Variants in BTBD9 observed in about 807,000 individuals in gnomAD.
BTBD9 encodes BTB/POZ domain-containing protein 9.
BTBD9 carries 49 observed loss-of-function variants against 64.3 expected under a neutral mutation model. That is an observed-to-expected ratio of 0.76 (90% CI 0.61 to 0.97). The LOEUF is 0.97. BTBD9 is among the 50% of genes least tolerant of loss of function. BTBD9 has a pLI of 0.00. For missense variants in BTBD9, 598 were observed against 762.1 expected, an observed-to-expected ratio of 0.78 and a Z score of 2.53; for synonymous variants, 260 against 274.7, an observed-to-expected ratio of 0.95 and a Z score of 0.53.
At chr6:38,410,619 A>C (rs569703805) in intron 6 of BTBD9, among the ~76,000 whole-genome samples, 1 of 152,360 alleles carries the variant, frequency 6.6e-6, no homozygotes, top group South Asian at 2.1e-4. Flanking sequence ...ATTGATAAGA[A>C]AACATGAAAA....
chr6:38,188,299 A>G (rs1271486120), intron 10 of BTBD9, among the ~76,000 whole-genome samples: 1 of 152,228 alleles, frequency 6.6e-6, no homozygotes. Context: ...GCTAGCTGCT[A>G]CTTACACACT....
intron 6 of BTBD9, among the ~76,000 whole-genome samples, chr6:38,366,047 C>T (rs950939101): frequency 6.6e-6 from 1 of 152,154 alleles, no homozygotes; most frequent in Non-Finnish European, 1.5e-5. Context: ...CTCATCTTTG[C>T]TTCCTAAAGG....
chr6:38,580,706 G>T (rs866020676), intron 4 of BTBD9, among the ~76,000 whole-genome samples: 9 of 151,284 alleles, frequency 5.9e-5, no homozygotes, highest in African/African-American at 2.2e-4. Context: ...GACCAGCATG[G>T]GCAACATGGG....
At chr6:38,597,433 G>A (rs769773844) in intron 2 of BTBD9, among the ~76,000 whole-genome samples, 1 of 152,140 alleles carries the variant, frequency 6.6e-6, no homozygotes, top group Non-Finnish European at 1.5e-5. Context: ...TATAACCCTG[G>A]AAATTAAGGA....
At chr6:38,183,135 A>G (rs1399820844) in intron 10 of BTBD9, among the ~76,000 whole-genome samples, 1 of 151,834 alleles carries the variant, frequency 6.6e-6, no homozygotes, top group Admixed American at 6.6e-5. Flanking sequence ...GCCCGCCACC[A>G]CACCTGGCTA....
intron 6 of BTBD9, among the ~76,000 whole-genome samples, chr6:38,397,910 T>C (rs1211602097): frequency 1.3e-5 from 2 of 152,198 alleles, no homozygotes; most frequent in Non-Finnish European, 2.9e-5. Flanking sequence ...TGCAGAGAGT[T>C]ATAAATAGCC....
At position 38,174,869 on chromosome 6, in the gene BTBD9, C is replaced by T; in HGVS notation, c.*116G>A. On this transcript the variant is annotated 3_prime_UTR_variant, in exon 11 of 11. Coordinates refer to ENST00000481247, the MANE Select transcript of BTBD9 (RefSeq NM_001099272.2). ...GTGTCTGCTTTTGCAGCTAGGTCGGCTCCTCCCTGGAAAGGGGCAGAGGTG... is the reference window on the plus strand; with the variant it reads ...GTGTCTGCTTTTGCAGCTAGGTCGGTTCCTCCCTGGAAAGGGGCAGAGGTG... 3 of 1,254,652 alleles carry T rather than the reference C, an allele frequency of 2.4e-6. No homozygotes were observed. In the South Asian group the frequency reaches 4.1e-5, roughly 17 times the overall value. 77.7% of individuals were successfully genotyped at this position (1,254,652 alleles called of 1,614,324 possible).
chr6:38,206,758 T>C (rs1225060106), intron 9 of BTBD9, among the ~76,000 whole-genome samples: 1 of 151,968 alleles, frequency 6.6e-6, no homozygotes, highest in Non-Finnish European at 1.5e-5. Flanking sequence ...TCCTTATCTT[T>C]CAAAGTAGGA....
chr6:38,228,574 T>TA (rs145688853), intron 9 of BTBD9, among the ~76,000 whole-genome samples: 10,131 of 147,128 alleles, frequency 0.069, 452 homozygotes, highest in Middle Eastern at 0.15. Context: ...AAACGGCTCT[T>TA]AAAAAAAAAA....
intron 9 of BTBD9, among the ~76,000 whole-genome samples, chr6:38,254,163 A>G (rs1582118903): frequency 6.6e-6 from 1 of 151,484 alleles, no homozygotes; most frequent in African/African-American, 2.4e-5. Context: ...TGGCAGAACA[A>G]CAAGAAAGAA....
intron 6 of BTBD9, among the ~76,000 whole-genome samples, chr6:38,358,552 G>A (rs1314128689): frequency 6.6e-6 from 1 of 152,186 alleles, no homozygotes; most frequent in Non-Finnish European, 1.5e-5. Flanking sequence ...TAGGTATGGG[G>A]AGCAGGGTGG....
chr6:38,389,855 G>T (rs1766334435), intron 6 of BTBD9, among the ~76,000 whole-genome samples: 1 of 152,144 alleles, frequency 6.6e-6, no homozygotes, highest in Non-Finnish European at 1.5e-5. Context: ...CTTTATGTTG[G>T]TGATTTATGA....
intron 6 of BTBD9, among the ~76,000 whole-genome samples, chr6:38,444,998 T>C (rs1240609758): frequency 2.0e-5 from 3 of 152,202 alleles, no homozygotes; most frequent in African/African-American, 7.2e-5. Flanking sequence ...GCTGGGGCCA[T>C]GTAAATTGTG....
intron 6 of BTBD9, among the ~76,000 whole-genome samples, chr6:38,348,257 C>T (rs904690637): frequency 6.6e-6 from 1 of 152,160 alleles, no homozygotes; most frequent in East Asian, 1.9e-4. Context: ...ACTTGGTTCT[C>T]GGTCATAACA....
At chr6:38,318,365 G>T (rs1454242641) in intron 7 of BTBD9, among the ~76,000 whole-genome samples, 1 of 152,148 alleles carries the variant, frequency 6.6e-6, no homozygotes, top group Non-Finnish European at 1.5e-5. Flanking sequence ...ATTTCTTGTA[G>T]TCTTTGTAGT....
chr6:38,417,379 TA>T lies in BTBD9; in HGVS notation c.1155-72287del, dbSNP rs566303524. ...ATATTGCACTTATCTAATTCACATG[TA>T]AAAGTTAACTGTTTTTAAATCCATA... On this transcript the variant is annotated intron_variant, in intron 6 of 10. Coordinates refer to ENST00000481247, the MANE Select transcript of BTBD9 (RefSeq NM_001099272.2). Among the ~76,000 whole-genome samples the T allele has an allele frequency of 2.5e-3, 385 of 152,354 alleles. 1 individual carries two copies. The highest frequency in any genetic ancestry group is 4.6e-3 in the Non-Finnish European group (314 of 68,030).
At chr6:38,255,057 C>T (rs1307980150) in intron 9 of BTBD9, among the ~76,000 whole-genome samples, 1 of 152,124 alleles carries the variant, frequency 6.6e-6, no homozygotes, top group Non-Finnish European at 1.5e-5. Flanking sequence ...GGTATATGCA[C>T]ACAATGGAAT....
chr6:38,500,263 G>A (rs1772138019), intron 6 of BTBD9, among the ~76,000 whole-genome samples: 1 of 151,506 alleles, frequency 6.6e-6, no homozygotes, highest in South Asian at 2.1e-4. Context: ...GCAGAGGGGT[G>A]GTAGTAGGGG....
chr6:38,579,451 CT>C (rs781588710), intron 5 of BTBD9, among the ~76,000 whole-genome samples: 3 of 152,196 alleles, frequency 2.0e-5, no homozygotes, highest in African/African-American at 7.2e-5. Context: ...TCATACTGCT[CT>C]GGTACTTCTG....
Sources: gnomAD v4.1 joint callset for allele counts (sites outside exome capture counted in the v4.1 genomes callset) on GRCh38, gnomAD v4.1.1 for gene constraint, MANE v1.5 for transcripts, NCBI Gene and HGNC (gene_info 2026-07-23, HGNC 2026-07-21) for gene names.